The following TLN2 variants were observed in gnomAD, a reference collection of about 807,000 sequenced individuals.
The protein encoded by TLN2 is talin-2.
In TLN2, 118 loss-of-function variants were observed where a neutral mutation model predicts 294.7. That is an observed-to-expected ratio of 0.40 (90% CI 0.34 to 0.47). The LOEUF is 0.47. TLN2 is among the 20% of genes least tolerant of loss of function. TLN2 has a pLI of 0.84. For missense variants in TLN2, 3,083 were observed against 3,282.2 expected, an observed-to-expected ratio of 0.94 and a Z score of 1.48; for synonymous variants, 1,431 against 1,304.5, an observed-to-expected ratio of 1.10 and a Z score of -2.09.
At chr15:62,752,717 T>C (rs2062004226) in intron 35 of TLN2, among the ~76,000 whole-genome samples, 1 of 152,146 alleles carries the variant, frequency 6.6e-6, no homozygotes, top group South Asian at 2.1e-4. Flanking sequence ...ATAGATGAGT[T>C]GTTTGGGGTA....
chr15:62,518,894 G>A (rs2040320140), intron 1 of TLN2, among the ~76,000 whole-genome samples: 1 of 152,106 alleles, frequency 6.6e-6, no homozygotes, highest in Admixed American at 6.6e-5. Context: ...CATGGCGTCC[G>A]GCTTGCAATG....
At chr15:62,738,523 G>A (rs1294071656) in intron 30 of TLN2, among the ~76,000 whole-genome samples, 190 bp downstream of exon 30, 1 of 152,126 alleles carries the variant, frequency 6.6e-6, no homozygotes, top group African/African-American at 2.4e-5. Flanking sequence ...AGCTTTTAAA[G>A]TTTACTTTTT....
chr15:62,821,447 C>T (rs892468708), intron 54 of TLN2, among the ~76,000 whole-genome samples: 1 of 152,176 alleles, frequency 6.6e-6, no homozygotes, highest in Middle Eastern at 3.2e-3. Context: ...GGCTGGATTC[C>T]ACCAATTTAG....
chr15:62,572,446 CTG>C lies in TLN2; in HGVS notation c.-237-17239_-237-17238del, dbSNP rs571814839. Reference sequence around the variant, plus strand: ...TTTTTTGTAAAGACAGGTTCTCACTCTGTTGCCCAGGCTGGTCTCGAACTCCA... The same window carrying C: ...TTTTTTGTAAAGACAGGTTCTCACTCTTGCCCAGGCTGGTCTCGAACTCCA... On this transcript the variant is annotated intron_variant, in intron 1 of 58. Coordinates refer to ENST00000636159, the MANE Select transcript of TLN2 (RefSeq NM_015059.3). Among the ~76,000 whole-genome samples, 14 of 152,250 alleles carry C rather than the reference CTG, an allele frequency of 9.2e-5. No individual in the cohort carries two copies. In the East Asian group the frequency reaches 2.5e-3, roughly 27 times the overall value.
chr15:62,710,421 T>C (rs1312368516), intron 21 of TLN2, among the ~76,000 whole-genome samples: 1 of 152,222 alleles, frequency 6.6e-6, no homozygotes, highest in Non-Finnish European at 1.5e-5. Context: ...AAAATTGTCT[T>C]GTGTTCTTCT....
intron 1 of TLN2, among the ~76,000 whole-genome samples, chr15:62,509,092 T>G (rs1380863559): frequency 6.6e-6 from 1 of 152,148 alleles, no homozygotes; most frequent in African/African-American, 2.4e-5. Context: ...GTGCTTAGGA[T>G]CCCATAAGCC....
intron 12 of TLN2, among the ~76,000 whole-genome samples, chr15:62,687,463 A>C (rs780295996): frequency 2.6e-5 from 4 of 152,248 alleles, no homozygotes; most frequent in Non-Finnish European, 5.9e-5. Context: ...TGTTTGTTTC[A>C]GGTCTTCAGA....
intron 1 of TLN2, among the ~76,000 whole-genome samples, chr15:62,391,273 C>A (rs187720791): frequency 3.3e-5 from 5 of 152,376 alleles, no homozygotes; most frequent in Admixed American, 2.0e-4. Context: ...TCAGACCTGC[C>A]GATCCCACGA....
chr15:62,518,298 A>T (rs954610902), intron 1 of TLN2, among the ~76,000 whole-genome samples: 1 of 152,158 alleles, frequency 6.6e-6, no homozygotes, highest in Non-Finnish European at 1.5e-5. Flanking sequence ...CGGCCTCCCA[A>T]AGTGCTGGGA....
chr15:62,496,106 C>T (rs1198157116), intron 1 of TLN2, among the ~76,000 whole-genome samples: 2 of 152,214 alleles, frequency 1.3e-5, no homozygotes, highest in African/African-American at 2.4e-5. Flanking sequence ...CGCCAGATGT[C>T]AGCCTGCAGA....
intron 1 of TLN2, among the ~76,000 whole-genome samples, chr15:62,421,430 G>C (rs2034382667): frequency 6.6e-6 from 1 of 152,126 alleles, no homozygotes; most frequent in African/African-American, 2.4e-5. Context: ...ACATATGAAG[G>C]AAAACAACTT....
chr15:62,483,083 A>C (rs1417238289), intron 1 of TLN2, among the ~76,000 whole-genome samples: 1 of 152,172 alleles, frequency 6.6e-6, no homozygotes, highest in Non-Finnish European at 1.5e-5. Flanking sequence ...GTTCTTGCTC[A>C]GAGGGAAGCT....
intron 44 of TLN2, 149 bp from the exon 45 acceptor site, chr15:62,783,622 C>A (rs1157662910): frequency 1.4e-6 from 2 of 1,429,028 alleles, no homozygotes; most frequent in East Asian, 2.5e-5. Context: ...CATCTAGCCC[C>A]AAATGCAAGG....
chr15:62,532,966 A>G (rs1054910657), intron 1 of TLN2, among the ~76,000 whole-genome samples: 2 of 152,084 alleles, frequency 1.3e-5, no homozygotes, highest in African/African-American at 2.4e-5. Context: ...AAACATGTGG[A>G]TTCTAGGCTG....
At chr15:62,800,598 A>G (rs2141143525) in intron 49 of TLN2, 55 bp from the exon 50 acceptor site, 4 of 1,610,540 alleles carry the variant, frequency 2.5e-6, no homozygotes, top group Middle Eastern at 1.7e-4. Flanking sequence ...TAAAAGGAGT[A>G]GGGGCTGGAC....
At chr15:62,740,519 G>C in intron 31 of TLN2, 111 bp from the exon 32 acceptor site, 1 of 1,457,748 alleles carries the variant, frequency 6.9e-7, no homozygotes, top group Admixed American at 1.9e-5. Context: ...GGTTTAATGT[G>C]ATCTATACGG....
intron 39 of TLN2, 29 bp downstream of exon 39, chr15:62,762,482 A>G: frequency 6.2e-7 from 1 of 1,609,088 alleles, no homozygotes; most frequent in Non-Finnish European, 8.5e-7. Context: ...GGTTGCTGCC[A>G]GCCTGCATCT....
chr15:62,546,871 G>A (rs2042022769), intron 1 of TLN2, among the ~76,000 whole-genome samples: 1 of 152,158 alleles, frequency 6.6e-6, no homozygotes, highest in Admixed American at 6.5e-5. Flanking sequence ...AGATGCAGAG[G>A]CCATGAGGAG....
intron 1 of TLN2, among the ~76,000 whole-genome samples, chr15:62,417,735 C>G (rs963860296): frequency 6.6e-6 from 1 of 152,204 alleles, no homozygotes; most frequent in African/African-American, 2.4e-5. Context: ...CTACTTGACT[C>G]TCAGCCACAA....
Sources: gnomAD v4.1 joint callset for allele counts (sites outside exome capture counted in the v4.1 genomes callset) on GRCh38, gnomAD v4.1.1 for gene constraint, MANE v1.5 for transcripts, NCBI Gene and HGNC (gene_info 2026-07-23, HGNC 2026-07-21) for gene names.